Variants in CD226 observed in about 807,000 individuals in gnomAD.
CD226 encodes CD226 antigen.
A neutral mutation model predicts 34.9 loss-of-function variants in CD226; 24 were observed. The ratio of observed to expected loss-of-function variants is 0.69; its 90% CI spans 0.50 to 0.97. CD226 has a LOEUF of 0.97. CD226 is among the 50% of genes least tolerant of loss of function. The probability of loss-of-function intolerance (pLI) is 0.00; values close to 1 mark genes in which losing one functional copy is unlikely to be tolerated. For missense variants in CD226, 397 were observed against 412.7 expected (o/e 0.96, Z 0.33); for synonymous variants, 148 against 147.4 (o/e 1.00, Z -0.03).
rs1022620865 is a variant in CD226, at chr18:69,853,307, A to T, written c.*11007T>A. On this transcript the variant is annotated 3_prime_UTR_variant, in exon 6 of 6. Coordinates refer to ENST00000582621, the MANE Select transcript of CD226 (RefSeq NM_001303618.2). ...TAGGTCTTTATTTCACATTAAAATG[A>T]CTCTCACACATTCTTAAAAAACATT... 1 of 152,164 alleles carries T rather than the reference A, an allele frequency of 6.6e-6. No homozygotes were observed. The highest frequency in any genetic ancestry group is 2.4e-5 in the African/African-American group (1 of 41,432). The allele number at this position is 152,164 out of a possible 1,614,324, so 9.4% of individuals were successfully genotyped here.
rs1982641326 is a variant in CD226 at position 69,857,312 on chromosome 18, C to A, written c.*7002G>T. 1.3e-5 allele frequency: 2 copies of A among 152,184 alleles called. No individual in the cohort carries two copies. The allele number at this position is 152,184 out of a possible 1,614,324, so 9.4% of individuals were successfully genotyped here. ...GTACATTTTTTATGTGAGCTAAAAT[C>A]AAAATTTGCTTCTGAGGACCATTAT... On this transcript the variant is annotated 3_prime_UTR_variant, in exon 6 of 6. Transcript: ENST00000582621.
intron 4 of CD226, among the ~76,000 whole-genome samples, chr18:69,871,185 C>G (rs1214869611): frequency 6.6e-6 from 1 of 152,206 alleles, no homozygotes; most frequent in African/African-American, 2.4e-5. Flanking sequence ...TTGCCCGGTT[C>G]CCATGTGCTC....
intron 2 of CD226, among the ~76,000 whole-genome samples, chr18:69,945,211 A>G (rs538721282): frequency 6.6e-6 from 1 of 152,332 alleles, no homozygotes; most frequent in East Asian, 1.9e-4. Flanking sequence ...AGCATAGGAA[A>G]TAATAAGATG....
At chr18:69,919,695 G>A (rs754637445) in intron 2 of CD226, among the ~76,000 whole-genome samples, 3 of 152,154 alleles carry the variant, frequency 2.0e-5, no homozygotes, top group Non-Finnish European at 4.4e-5. Flanking sequence ...GGGTTATTAA[G>A]TCTGACAAGG....
intron 3 of CD226, among the ~76,000 whole-genome samples, chr18:69,879,355 G>A (rs557890235): frequency 3.3e-4 from 50 of 152,044 alleles, no homozygotes; most frequent in African/African-American, 1.1e-3. Flanking sequence ...GACACCCCCC[G>A]CTGAGAGGCC....
At position 69,937,119 on chromosome 18, in the gene CD226, G is replaced by A. The variant is rs192365301; in HGVS notation, c.382+9615C>T. Among the ~76,000 whole-genome samples the A allele has an allele frequency of 5.3e-5, 8 of 152,294 alleles. No homozygotes were observed. In the East Asian group the frequency reaches 1.5e-3, roughly 29 times the overall value. ...AGGTTGTAAAATACAATTGCATAGT[G>A]CATCTGGCTTCCCTTGCCTTTTGAA... is the stretch of plus-strand genomic sequence containing the variant. On this transcript the variant is annotated intron_variant, in intron 2 of 5. Coordinates refer to ENST00000582621, the MANE Select transcript of CD226 (RefSeq NM_001303618.2).
chr18:69,877,098 AGGT>A (rs1983923136), intron 3 of CD226, among the ~76,000 whole-genome samples: 1 of 152,004 alleles, frequency 6.6e-6, no homozygotes, highest in African/African-American at 2.4e-5. Flanking sequence ...TCCTCACCTA[AGGT>A]GATCCGCCCT....
chr18:69,924,707 A>AAAAAAAAAAAAAG (rs2055499701), intron 2 of CD226, among the ~76,000 whole-genome samples: 1 of 150,522 alleles, frequency 6.6e-6, no homozygotes, highest in Non-Finnish European at 1.5e-5. Flanking sequence ...AAAAAAAAAA[A>AAAAAAAAAAAAAG]AAAAAGAATC....
intron 2 of CD226, among the ~76,000 whole-genome samples, chr18:69,903,819 G>A (rs1351770825): frequency 1.3e-5 from 2 of 152,082 alleles, no homozygotes; most frequent in African/African-American, 4.8e-5. Context: ...CTTCACTTTG[G>A]ACTTCAAACT....
Position 69,946,960 on chromosome 18 carries a change from C to T in CD226, c.156G>A (p.Lys52=), listed in dbSNP as rs780083836. ...MGILTQVEWF[K]IGTQQDSIAI... ...CTATGGAATCCTGCTGGGTCCCGAT[C>T]TTGAACCACTCCACCTGTGTTAAGA... Residue 52 remains lysine, a synonymous_variant, in exon 2 of 6, where the codon AAG becomes AAA. Coordinates refer to ENST00000582621, the MANE Select transcript of CD226 (RefSeq NM_001303618.2). 1 of 1,614,182 alleles carries T rather than the reference C, an allele frequency of 6.2e-7. No homozygotes were observed. Among genetic ancestry groups the T allele is most frequent in the South Asian group, 1.1e-5 (1 of 91,086 alleles).
chr18:69,894,282 G>A (rs66504140), intron 3 of CD226, among the ~76,000 whole-genome samples: 63,831 of 135,716 alleles, frequency 0.47, 16,030 homozygotes, highest in East Asian at 0.65. Context: ...GTGGGGGCTG[G>A]AATCTTACAC....
intron 2 of CD226, among the ~76,000 whole-genome samples, chr18:69,946,098 C>T (rs2055786211): frequency 7.5e-6 from 1 of 133,610 alleles, no homozygotes; most frequent in Non-Finnish European, 1.5e-5. Context: ...GTAGGAGAAT[C>T]GCTTGAGCCC....
intron 2 of CD226, among the ~76,000 whole-genome samples, chr18:69,938,322 C>A (rs941906318): frequency 6.6e-6 from 1 of 152,162 alleles, no homozygotes; most frequent in African/African-American, 2.4e-5. Flanking sequence ...TTTCTCTATG[C>A]CCTCTACATT....
intron 2 of CD226, among the ~76,000 whole-genome samples, chr18:69,913,154 A>G (rs1260028780): frequency 6.6e-6 from 1 of 152,198 alleles, no homozygotes; most frequent in Non-Finnish European, 1.5e-5. Flanking sequence ...CTGCCAGCCC[A>G]GCAACCACAG....
chr18:69,921,683 T>G (rs1173678061), intron 2 of CD226, among the ~76,000 whole-genome samples: 3 of 152,274 alleles, frequency 2.0e-5, no homozygotes, highest in East Asian at 3.9e-4. Flanking sequence ...ATCACTTGTC[T>G]CCTTGTTAGT....
intron 2 of CD226, among the ~76,000 whole-genome samples, chr18:69,934,275 A>AGGATACAC (rs1294404089): frequency 2.0e-5 from 2 of 98,388 alleles, no homozygotes; most frequent in African/African-American, 8.5e-5. Flanking sequence ...GTCCACACAG[A>AGGATACAC]GGATACACAC....
intron 2 of CD226, among the ~76,000 whole-genome samples, chr18:69,923,665 A>T (rs2055482183): frequency 6.6e-6 from 1 of 152,164 alleles, no homozygotes; most frequent in South Asian, 2.1e-4. Context: ...TTAGTCAATA[A>T]AAATCAGGCC....
chr18:69,953,320 C>T (rs2055869551), intron 1 of CD226, among the ~76,000 whole-genome samples: 1 of 152,100 alleles, frequency 6.6e-6, no homozygotes, highest in Non-Finnish European at 1.5e-5. Flanking sequence ...CAAGCGTCTG[C>T]CAACAGGTGA....
chr18:69,952,115 CT>C (rs1382812328), upstream of CD226, among the ~76,000 whole-genome samples: 1 of 152,102 alleles, frequency 6.6e-6, no homozygotes, highest in Non-Finnish European at 1.5e-5. Context: ...GAAATCATGT[CT>C]TTTGCAGCAA....
Sources: allele counts gnomAD v4.1 joint callset (sites outside exome capture counted in the v4.1 genomes callset), GRCh38; gene constraint gnomAD v4.1.1; transcripts MANE v1.5; gene names NCBI Gene and HGNC (gene_info 2026-07-23, HGNC 2026-07-21).